Variants in PSD3 observed in about 807,000 individuals in gnomAD.
PSD3 encodes PH and SEC7 domain-containing protein 3.
A neutral mutation model predicts 105.5 loss-of-function variants in PSD3; 49 were observed. The observed-to-expected ratio is 0.46, with a 90% confidence interval of 0.37 to 0.59. PSD3 has a LOEUF of 0.59. Among genes scored for constraint, PSD3 ranks in the 20% least tolerant of loss-of-function variants. The probability of loss-of-function intolerance (pLI) is 0.00; values close to 1 mark genes in which losing one functional copy is unlikely to be tolerated. For missense variants in PSD3, 1,561 were observed against 1,263.8 expected, an observed-to-expected ratio of 1.24 and a Z score of -3.57; for synonymous variants, 557 against 457.8, an observed-to-expected ratio of 1.22 and a Z score of -2.77.
At chr8:18,934,544 G>T (rs1021560939) in intron 2 of PSD3, among the ~76,000 whole-genome samples, 2 of 152,088 alleles carry the variant, frequency 1.3e-5, no homozygotes, top group African/African-American at 4.8e-5. Flanking sequence ...CCGAGTAGCT[G>T]TGACTACAGG....
chr8:18,634,638 T>G (rs1220770999), intron 10 of PSD3, among the ~76,000 whole-genome samples: 1 of 152,160 alleles, frequency 6.6e-6, no homozygotes, highest in African/African-American at 2.4e-5. Context: ...CTTTATGACC[T>G]TGACACTTTG....
At chr8:18,815,666 T>C (rs1368947784) in intron 4 of PSD3, among the ~76,000 whole-genome samples, 1 of 152,218 alleles carries the variant, frequency 6.6e-6, no homozygotes, top group Admixed American at 6.5e-5. Context: ...CAGGCGTTGC[T>C]GTGTTTCTCT....
chr8:18,904,126 T>C (rs1316410808), intron 2 of PSD3, among the ~76,000 whole-genome samples: 2 of 152,122 alleles, frequency 1.3e-5, no homozygotes, highest in Non-Finnish European at 2.9e-5. Flanking sequence ...AAGCTTTTAC[T>C]CATGGTACAT....
intron 2 of PSD3, among the ~76,000 whole-genome samples, chr8:18,891,901 G>A (rs1224864337): frequency 6.6e-6 from 1 of 152,172 alleles, no homozygotes; most frequent in Non-Finnish European, 1.5e-5. Context: ...GATATATTGA[G>A]TATTCATTCC....
chr8:18,846,852 G>A (rs759648128), intron 4 of PSD3, among the ~76,000 whole-genome samples: 1 of 151,994 alleles, frequency 6.6e-6, no homozygotes, highest in African/African-American at 2.4e-5. Flanking sequence ...TAAATTGTTT[G>A]GCTTGGCCCA....
rs570101210 is a variant in PSD3, at chr8:18,770,967, G to A, written c.2083-5429C>T. 3.3e-5 allele frequency among the ~76,000 whole-genome samples: 5 copies of A among 152,312 alleles called. No homozygotes were observed. In the East Asian group the frequency reaches 7.7e-4, roughly 23 times the overall value. ...GTGGCTCTCAGCAGGAAGGGGAGCT[G>A]AAAAGGGGACAGAGTGGGAAGGTAA... On this transcript the variant is annotated intron_variant, in intron 8 of 15. Transcript: ENST00000327040.
At chr8:18,730,696 T>G (rs552068569) in intron 9 of PSD3, among the ~76,000 whole-genome samples, 1 of 152,340 alleles carries the variant, frequency 6.6e-6, no homozygotes, top group African/African-American at 2.4e-5. Flanking sequence ...TAGCAGCTAA[T>G]TGCCTCAGCT....
rs1250585724 is a variant in PSD3, at chr8:19,035,835, A to T, written c.324+48371T>A. 2.0e-5 allele frequency among the ~76,000 whole-genome samples: 3 copies of T among 151,808 alleles called. No homozygotes were observed. The East Asian group carries it at 5.8e-4, about 29-fold the overall frequency. ...TATGACCCGATCTCAGCTCACTGCA[A>T]CCTCCACCTCCTGAGTTCAAGCCAT... On this transcript the variant is annotated intron_variant, in intron 1 of 1. Transcript: ENST00000521475.
intron 2 of PSD3, among the ~76,000 whole-genome samples, chr8:18,891,578 T>A (rs1048491578): frequency 1.3e-5 from 2 of 152,132 alleles, no homozygotes; most frequent in Admixed American, 6.5e-5. Flanking sequence ...CCTAGAAAAG[T>A]CATCTTTAAG....
chr8:18,576,815 T>A (rs1802488158), intron 12 of PSD3, among the ~76,000 whole-genome samples: 1 of 151,998 alleles, frequency 6.6e-6, no homozygotes, highest in East Asian at 1.9e-4. Flanking sequence ...CCACCTCCAT[T>A]TCCATACATA....
At chr8:18,695,828 A>C (rs573363730) in intron 9 of PSD3, among the ~76,000 whole-genome samples, 3 of 152,370 alleles carry the variant, frequency 2.0e-5, no homozygotes, top group African/African-American at 7.2e-5. Flanking sequence ...GAGTTAAAAA[A>C]TGTTGTCTGT....
intron 9 of PSD3, among the ~76,000 whole-genome samples, chr8:18,762,133 G>T (rs563580200): frequency 6.6e-6 from 1 of 152,170 alleles, no homozygotes; most frequent in Non-Finnish European, 1.5e-5. Flanking sequence ...TGGATGTGGG[G>T]TCTGTTGGGA....
intron 2 of PSD3, among the ~76,000 whole-genome samples, chr8:18,874,806 A>C (rs1817625797): frequency 6.6e-6 from 1 of 152,138 alleles, no homozygotes; most frequent in Non-Finnish European, 1.5e-5. Flanking sequence ...TACTAATAAT[A>C]GGTGTATTGC....
At chr8:18,633,385 T>C (rs1343043114) in intron 10 of PSD3, among the ~76,000 whole-genome samples, 1 of 152,042 alleles carries the variant, frequency 6.6e-6, no homozygotes, top group Non-Finnish European at 1.5e-5. Context: ...GGCACAGTGC[T>C]TTGGCATGTG....
At chr8:18,991,220 A>G (rs1213744631) in intron 1 of PSD3, among the ~76,000 whole-genome samples, 1 of 152,170 alleles carries the variant, frequency 6.6e-6, no homozygotes, top group Non-Finnish European at 1.5e-5. Context: ...GAACTAAGTC[A>G]GACTGAATTT....
At chr8:18,944,149 T>A (rs1329393274) in intron 1 of PSD3, among the ~76,000 whole-genome samples, 1 of 152,206 alleles carries the variant, frequency 6.6e-6, no homozygotes, top group Non-Finnish European at 1.5e-5. Context: ...TATCTTCATG[T>A]TTCATGAGGC....
intron 1 of PSD3, among the ~76,000 whole-genome samples, chr8:18,952,288 T>C (rs1450929375): frequency 6.6e-6 from 1 of 152,192 alleles, no homozygotes; most frequent in Admixed American, 6.5e-5. Context: ...ACATCCATAA[T>C]TGGAACATAA....
intron 2 of PSD3, among the ~76,000 whole-genome samples, chr8:18,910,847 C>A (rs988914988): frequency 6.7e-6 from 1 of 150,108 alleles, no homozygotes; most frequent in Non-Finnish European, 1.5e-5. Flanking sequence ...GTATCTGACA[C>A]AGAAGTCGAA....
chr8:18,880,777 TCCTGAATTAGTCCTA>T (rs1051219740), intron 2 of PSD3, among the ~76,000 whole-genome samples: 2 of 152,230 alleles, frequency 1.3e-5, no homozygotes, highest in Admixed American at 1.3e-4. Flanking sequence ...CAGCGAGCCT[TCCTGAATTAGTCCTA>T]CCTGAATTTG....
Sources: allele counts gnomAD v4.1 joint callset (sites outside exome capture counted in the v4.1 genomes callset), GRCh38; gene constraint gnomAD v4.1.1; transcripts MANE v1.5; gene names NCBI Gene and HGNC (gene_info 2026-07-23, HGNC 2026-07-21).